Variants in ADGRL2 observed in about 807,000 individuals in gnomAD.
The protein encoded by ADGRL2 is calcium-independent alpha-latrotoxin receptor 2.
ADGRL2 carries 44 observed loss-of-function variants against 157.4 expected under a neutral mutation model. The observed-to-expected ratio is 0.28, with a 90% CI of 0.22 to 0.36. The LOEUF is 0.36. ADGRL2 is among the 10% of genes least tolerant of loss of function. ADGRL2 has a pLI of 1.00. For missense variants in ADGRL2, 1,510 were observed against 1,768.9 expected (o/e 0.85, Z 2.63); for synonymous variants, 585 against 624.7 (o/e 0.94, Z 0.95).
intron 2 of ADGRL2, among the ~76,000 whole-genome samples, chr1:81,484,640 G>A (rs940724146): frequency 6.6e-6 from 1 of 152,136 alleles, no homozygotes; most frequent in Admixed American, 6.6e-5. Context: ...CTTGTACACA[G>A]TGTAGGCAGC....
At chr1:81,650,367 C>A (rs1013437206) in intron 3 of ADGRL2, among the ~76,000 whole-genome samples, 1 of 150,290 alleles carries the variant, frequency 6.7e-6, no homozygotes, top group Non-Finnish European at 1.5e-5. Flanking sequence ...GTCAAGAGAT[C>A]GAGACCATCC....
intron 2 of ADGRL2, among the ~76,000 whole-genome samples, chr1:81,460,785 T>C (rs2077910107): frequency 6.6e-6 from 1 of 152,220 alleles, no homozygotes; most frequent in Non-Finnish European, 1.5e-5. Flanking sequence ...ATACTGTTCC[T>C]AACTAGGCAA....
At chr1:81,433,471 A>T (rs1333561567) in intron 1 of ADGRL2, among the ~76,000 whole-genome samples, 3 of 152,314 alleles carry the variant, frequency 2.0e-5, no homozygotes, top group African/African-American at 7.2e-5. Flanking sequence ...AATGAAGAAC[A>T]TAAAATGTGA....
intron 2 of ADGRL2, among the ~76,000 whole-genome samples, chr1:81,887,956 A>G (rs1417459606): frequency 2.6e-5 from 4 of 152,194 alleles, no homozygotes; most frequent in Non-Finnish European, 5.9e-5. Flanking sequence ...GGGATAGAGA[A>G]TTCAGGGAAA....
chr1:81,921,359 T>C (rs1475141706), intron 3 of ADGRL2, among the ~76,000 whole-genome samples: 3 of 152,224 alleles, frequency 2.0e-5, no homozygotes, highest in Non-Finnish European at 4.4e-5. Flanking sequence ...TTGCAACTTC[T>C]GCAAAACGTG....
intron 1 of ADGRL2, among the ~76,000 whole-genome samples, chr1:81,435,836 C>T (rs552375429): frequency 6.6e-6 from 1 of 152,280 alleles, no homozygotes; most frequent in South Asian, 2.1e-4. Flanking sequence ...GTGGCTCATG[C>T]CTGTAATCCC....
At chr1:81,802,150 G>A (rs1288354066) in intron 1 of ADGRL2, among the ~76,000 whole-genome samples, 1 of 151,342 alleles carries the variant, frequency 6.6e-6, no homozygotes, top group African/African-American at 2.4e-5. Context: ...TCCGGCCGGG[G>A]TAGCCGCTGC....
At chr1:81,801,160 A>G (rs1049872319) in intron 1 of ADGRL2, among the ~76,000 whole-genome samples, 92 bp downstream of exon 1, 1 of 152,170 alleles carries the variant, frequency 6.6e-6, no homozygotes, top group African/African-American at 2.4e-5. Context: ...ATTGGGCGAC[A>G]ATGAGTTATA....
chr1:81,754,622 CTCTTCTT>C lies in ADGRL2; in HGVS notation c.-142-7180_-142-7174del, dbSNP rs200804247. On this transcript the variant is annotated intron_variant, in intron 1 of 20. Transcript: ENST00000359929. ...TTCTTTCTCCCTTTCTTTTCTTTCT[CTCTTCTT>C]TCTTCTTTTCCTTTCCTTTCCTTCC... Among the ~76,000 whole-genome samples, 506 of 142,358 alleles carry C rather than the reference CTCTTCTT, an allele frequency of 3.6e-3. 2 individuals are homozygous for C. Among genetic ancestry groups the C allele is most frequent in the African/African-American group, 0.013 (486 of 38,432 alleles). 93.4% of individuals were successfully genotyped at this position (142,358 alleles called of 152,430 possible).
chr1:81,505,132 C>G, intron 2 of ADGRL2: 1 of 445,674 alleles, frequency 2.2e-6, no homozygotes, highest in Non-Finnish European at 4.3e-6. Flanking sequence ...ATACCTCAGC[C>G]CGGTAAGCTG....
intron 1 of ADGRL2, among the ~76,000 whole-genome samples, chr1:81,816,213 G>A (rs1050276191): frequency 6.6e-5 from 10 of 151,672 alleles, no homozygotes; most frequent in African/African-American, 9.7e-5. Context: ...GAAAATAAAC[G>A]AAAATATAGC....
intron 1 of ADGRL2, among the ~76,000 whole-genome samples, chr1:81,436,492 T>C (rs2077412260): frequency 6.6e-6 from 1 of 152,250 alleles, no homozygotes; most frequent in African/African-American, 2.4e-5. Context: ...CTGGGCTCTG[T>C]GACTAAGCGT....
intron 2 of ADGRL2, among the ~76,000 whole-genome samples, chr1:81,570,809 C>T (rs1031552550): frequency 1.3e-5 from 2 of 152,074 alleles, no homozygotes; most frequent in Non-Finnish European, 2.9e-5. Context: ...TCATTCTGCT[C>T]TCACTCAAAT....
intron 2 of ADGRL2, among the ~76,000 whole-genome samples, chr1:81,475,877 G>C (rs1431400341): frequency 6.6e-6 from 1 of 152,142 alleles, no homozygotes; most frequent in African/African-American, 2.4e-5. Flanking sequence ...TAGGAAAGCT[G>C]TCATGAGTAG....
At chr1:81,581,616 C>T (rs1043817456) in intron 3 of ADGRL2, among the ~76,000 whole-genome samples, 5 of 152,252 alleles carry the variant, frequency 3.3e-5, no homozygotes, top group African/African-American at 1.2e-4. Context: ...CTTGATTATA[C>T]TCATTTCATC....
At chr1:81,586,314 C>T (rs766251697) in intron 3 of ADGRL2, 2 of 151,936 alleles carry the variant, frequency 1.3e-5, no homozygotes, top group South Asian at 2.1e-4. Context: ...GTGCGCCCTC[C>T]TTCTTCATGC....
At chr1:81,947,490 G>A (rs1041541361) in intron 6 of ADGRL2, among the ~76,000 whole-genome samples, 6 of 152,074 alleles carry the variant, frequency 3.9e-5, no homozygotes, top group African/African-American at 1.4e-4. Context: ...TATCTTCATC[G>A]TTCAGTTTCC....
chr1:81,681,342 A>G (rs142697419), intron 3 of ADGRL2, among the ~76,000 whole-genome samples: 1 of 152,266 alleles, frequency 6.6e-6, no homozygotes, highest in African/African-American at 2.4e-5. Context: ...ACTGTTTGGG[A>G]CCCATTCCAG....
At chr1:81,553,528 G>T (rs2080201042) in intron 2 of ADGRL2, among the ~76,000 whole-genome samples, 1 of 152,092 alleles carries the variant, frequency 6.6e-6, no homozygotes, top group Non-Finnish European at 1.5e-5. Context: ...TGTTGTTTTT[G>T]ATTTGTTATA....
Sources: allele counts gnomAD v4.1 joint callset (sites outside exome capture counted in the v4.1 genomes callset), GRCh38; gene constraint gnomAD v4.1.1; transcripts MANE v1.5; gene names NCBI Gene and HGNC (gene_info 2026-07-23, HGNC 2026-07-21).